Variants in B4GALT7 observed in about 807,000 individuals in gnomAD.
The protein encoded by B4GALT7 is beta-1,4-galactosyltransferase 7.
Under a neutral mutation model 33.0 loss-of-function variants are expected in B4GALT7, and 30 were observed. The ratio of observed to expected loss-of-function variants is 0.91; its 90% CI spans 0.68 to 1.23. The LOEUF is 1.23. Ranked by LOEUF, B4GALT7 falls within the 50% of genes most tolerant of loss-of-function variation. The probability of loss-of-function intolerance (pLI) is 0.00; values close to 1 mark genes in which losing one functional copy is unlikely to be tolerated. For synonymous variants in B4GALT7, 213 were observed against 187.2 expected (o/e 1.14, Z -1.13); for missense variants, 507 against 450.8 (o/e 1.12, Z -1.13).
At chr5:177,603,499 C>T (rs553235605) in intron 1 of B4GALT7, 1 of 400,814 alleles carries the variant, frequency 2.5e-6, no homozygotes, top group Non-Finnish European at 3.4e-6. Context: ...CTTTCTTTCC[C>T]TCTCCATCTC....
chr5:177,609,457 T>A, intron 5 of B4GALT7, 83 bp from the exon 6 acceptor site: 1 of 1,537,198 alleles, frequency 6.5e-7, no homozygotes, highest in Non-Finnish European at 9.0e-7. Flanking sequence ...ACAGGACCTC[T>A]GATGGCGAGG....
rs749515076 is a variant in B4GALT7 at position 177,600,217 on chromosome 5, C to G, written c.7C>G (p.Pro3Ala). Residue 3 changes from proline (P) to alanine (A), a missense_variant, in exon 1 of 6, where the codon CCC (proline) becomes GCC (alanine). Pro to Ala is a conservative substitution (Grantham distance 27). Coordinates refer to ENST00000029410, the MANE Select transcript of B4GALT7 (RefSeq NM_007255.3). The surrounding 1 kb of genome is among the most constrained non-coding windows in gnomAD (Gnocchi z 4.4). The part of the protein sequence containing the change: MF[P>A]SRRKAAQLPW... ...GCCGCCGCCTCTCCGCACGATGTTC[C>G]CCTCGCGGAGGAAAGCGGCGCAGCT... 4.3e-6 allele frequency: 6 copies of G among 1,391,766 alleles called. No homozygotes were observed. Among genetic ancestry groups the G allele is most frequent in the Non-Finnish European group, 4.7e-6 (5 of 1,066,450 alleles). 86.2% of individuals were successfully genotyped at this position (1,391,766 alleles called of 1,614,324 possible).
At chr5:177,609,293 G>A (rs1235627883) in intron 5 of B4GALT7, among the ~76,000 whole-genome samples, 1 of 152,134 alleles carries the variant, frequency 6.6e-6, no homozygotes, top group Non-Finnish European at 1.5e-5. Context: ...AGCCACACCC[G>A]GGATGCAGGG....
chr5:177,604,847 A>G (rs1767941730), intron 2 of B4GALT7, among the ~76,000 whole-genome samples: 1 of 151,740 alleles, frequency 6.6e-6, no homozygotes, highest in Non-Finnish European at 1.5e-5. Flanking sequence ...GGGTAGAGAG[A>G]GGTGCTGTGG....
Position 177,609,531 on chromosome 5 carries a change from C to T in B4GALT7, c.829-9C>T. 1 of 1,612,896 alleles carries T rather than the reference C, an allele frequency of 6.2e-7. No homozygotes were observed. The highest frequency in any genetic ancestry group is 8.5e-7 in the Non-Finnish European group (1 of 1,180,008). On this transcript the variant is annotated splice_polypyrimidine_tract_variant and intron_variant, in intron 5 of 5. Coordinates refer to ENST00000029410, the MANE Select transcript of B4GALT7 (RefSeq NM_007255.3). ...CTGAGTCCGTGCTCTTTCCTCTCTT[C>T]CTCCCCAGGAGCAGTTCAAGGTGGA...
Position 177,600,300 on chromosome 5 carries a change from C to G in B4GALT7, c.50+40C>G. 7.7e-7 allele frequency: 1 copy of G among 1,291,016 alleles called. No homozygotes were observed. The highest frequency in any genetic ancestry group is 9.8e-7 in the Non-Finnish European group (1 of 1,015,320). 80.0% of individuals were successfully genotyped at this position (1,291,016 alleles called of 1,614,324 possible). A position where few individuals can be genotyped will look rare whatever the true frequency, so the allele number is the denominator to read the frequency against. On this transcript the variant is annotated intron_variant, in intron 1 of 5. Coordinates refer to ENST00000029410, the MANE Select transcript of B4GALT7 (RefSeq NM_007255.3). The surrounding 1 kb of genome is among the most constrained non-coding windows in gnomAD (Gnocchi z 4.4). ...TGGGCCCGGGCCCCGTCCTCCCGGG[C>G]GCCGCTCCCTTCTCGGCCGCCGGCG...
chr5:177,608,734 C>A lies in B4GALT7; in HGVS notation c.723+112C>A. 1 of 1,172,706 alleles carries A rather than the reference C, an allele frequency of 8.5e-7. No homozygotes were observed. Among genetic ancestry groups the A allele is most frequent in the Non-Finnish European group, 1.2e-6 (1 of 802,250 alleles). The allele number at this position is 1,172,706 out of a possible 1,614,324, so 72.6% of individuals were successfully genotyped here. A position where few individuals can be genotyped will look rare whatever the true frequency, so the allele number is the denominator to read the frequency against. On this transcript the variant is annotated intron_variant, in intron 4 of 5. Coordinates refer to ENST00000029410, the MANE Select transcript of B4GALT7 (RefSeq NM_007255.3). The surrounding 1 kb of genome is among the most constrained non-coding windows in gnomAD (Gnocchi z 4.1). ...TCTGGAGATGGCCCTGATTCTGATCCCTGCCCTAACCCTGCCCTGCATGGT... is the reference window on the plus strand; with the variant it reads ...TCTGGAGATGGCCCTGATTCTGATCACTGCCCTAACCCTGCCCTGCATGGT...
At chr5:177,605,434 A>G (rs1005033256) in intron 2 of B4GALT7, among the ~76,000 whole-genome samples, 2 of 152,244 alleles carry the variant, frequency 1.3e-5, no homozygotes, top group African/African-American at 2.4e-5. Flanking sequence ...TGTCCACTGC[A>G]GCCTTTAAAA....
intron 2 of B4GALT7, chr5:177,605,291 A>C: frequency 6.2e-6 from 2 of 321,014 alleles, no homozygotes; most frequent in Admixed American, 4.3e-5. Flanking sequence ...TCTGCTCCAC[A>C]CCTGTGCCTG....
rs369871062 is a variant in B4GALT7, at chr5:177,604,554, C to T, written c.413+13C>T. On this transcript the variant is annotated intron_variant, in intron 2 of 5. Transcript: ENST00000029410. ...TGGACCACTTCAGGTAGCGCCCGCC[C>T]CCACCCTCTCCCCTCGGCACCCCTG... The T allele has an allele frequency of 4.6e-5, 74 of 1,613,496 alleles. No homozygotes were observed. The highest frequency in any genetic ancestry group is 1.0e-4 in the Admixed American group (6 of 60,006).
At chr5:177,607,233 G>T in intron 2 of B4GALT7, 69 bp from the exon 3 acceptor site, 1 of 1,407,490 alleles carries the variant, frequency 7.1e-7, no homozygotes, top group African/African-American at 1.4e-5. Flanking sequence ...GGGGACCCCC[G>T]GGTGGGTGCT....
Position 177,600,158 on chromosome 5 carries a change from C to T in B4GALT7, c.-53C>T, listed in dbSNP as rs1767803715. Reference sequence around the variant, plus strand: ...GAGGCGCCGCGTAGGCCCGGGAGGCCGGGCCGGCCGGGCTGCGAGCGCCTG... The same window carrying T: ...GAGGCGCCGCGTAGGCCCGGGAGGCTGGGCCGGCCGGGCTGCGAGCGCCTG... On this transcript the variant is annotated 5_prime_UTR_variant, in exon 1 of 6. Coordinates refer to ENST00000029410, the MANE Select transcript of B4GALT7 (RefSeq NM_007255.3). This position sits in a 1 kb window ranked among gnomAD's most constrained non-coding sequence, Gnocchi z 4.4. The T allele has an allele frequency of 7.4e-6, 9 of 1,218,944 alleles. No individual in the cohort carries two copies. Among genetic ancestry groups the T allele is most frequent in the Middle Eastern group, 3.2e-4 (1 of 3,102 alleles). The allele number at this position is 1,218,944 out of a possible 1,614,324, so 75.5% of individuals were successfully genotyped here. A position where few individuals can be genotyped will look rare whatever the true frequency, so the allele number is the denominator to read the frequency against.
rs71585644 is a variant in B4GALT7 at position 177,608,487 on chromosome 5, G to GC, written c.640-41dup. 0.09 allele frequency: 107,574 copies of GC among 1,199,280 alleles called. 334 individuals carry two copies. Among genetic ancestry groups the GC allele is most frequent in the African/African-American group, 0.11 (6,786 of 60,862 alleles). 74.3% of individuals were successfully genotyped at this position (1,199,280 alleles called of 1,614,324 possible). On this transcript the variant is annotated intron_variant, in intron 3 of 5. Coordinates refer to ENST00000029410, the MANE Select transcript of B4GALT7 (RefSeq NM_007255.3). The surrounding 1 kb of genome is among the most constrained non-coding windows in gnomAD (Gnocchi z 4.1). ...ACTCCCGAGCGGTAGGAGACCAAAG[G>GC]CCCCCCCCCCCGGGAAGATGGGCCG... is the stretch of plus-strand genomic sequence containing the variant.
intron 1 of B4GALT7, chr5:177,602,872 AGAAT>A (rs1299294027): frequency 6.8e-6 from 6 of 877,594 alleles, no homozygotes; most frequent in East Asian, 2.1e-4. Flanking sequence ...CTTAGGAGAT[AGAAT>A]TTATTTATTT....
chr5:177,601,389 A>G (rs1767838790), intron 1 of B4GALT7: 1 of 152,244 alleles, frequency 6.6e-6, no homozygotes, highest in Non-Finnish European at 1.5e-5. Context: ...GCCTAGCACA[A>G]CAGGAGGTGC....
At chr5:177,602,039 AT>A (rs1331141899) in intron 1 of B4GALT7, among the ~76,000 whole-genome samples, 14 of 152,132 alleles carry the variant, frequency 9.2e-5, no homozygotes, top group African/African-American at 3.4e-4. Context: ...AAGGTGGGAT[AT>A]CACCCCATAT....
At position 177,606,230 on chromosome 5, in the gene B4GALT7, C is replaced by A. The variant is rs1260257012; in HGVS notation, c.414-1072C>A. 2.0e-5 allele frequency: 3 copies of A among 151,772 alleles called. No individual in the cohort carries two copies. Among genetic ancestry groups the A allele is most frequent in the Non-Finnish European group, 4.4e-5 (3 of 67,974 alleles). The allele number at this position is 151,772 out of a possible 1,614,324, so 9.4% of individuals were successfully genotyped here. On this transcript the variant is annotated intron_variant, in intron 2 of 5. Transcript: ENST00000029410. This position sits in a 1 kb window ranked among gnomAD's most constrained non-coding sequence, Gnocchi z 4.2. ...CTGGAGTTCTCTCCTAAACTCCAGGCTCAACAGCCCAGCCATCTACACAGT... is the reference window on the plus strand; with the variant it reads ...CTGGAGTTCTCTCCTAAACTCCAGGATCAACAGCCCAGCCATCTACACAGT...
Position 177,608,526 on chromosome 5 carries a change from GTC to G in B4GALT7, c.640-9_640-8del. On this transcript the variant is annotated splice_polypyrimidine_tract_variant and intron_variant, in intron 3 of 5. Coordinates refer to ENST00000029410, the MANE Select transcript of B4GALT7 (RefSeq NM_007255.3). This position sits in a 1 kb window ranked among gnomAD's most constrained non-coding sequence, Gnocchi z 4.1. ...GAAGATGGGCCGAGTGACGCTGCTT[GTC>G]TCTGTGTCAGTGCAATGGGATGTCC... 3 of 1,608,938 alleles carry G rather than the reference GTC, an allele frequency of 1.9e-6. No homozygotes were observed. Among genetic ancestry groups the G allele is most frequent in the Non-Finnish European group, 2.6e-6 (3 of 1,176,068 alleles).
rs1473997532 is a variant in B4GALT7 at position 177,608,670 on chromosome 5, T to A, written c.723+48T>A. 3.9e-6 allele frequency: 6 copies of A among 1,543,830 alleles called. No homozygotes were observed. The highest frequency in any genetic ancestry group is 3.4e-5 in the Admixed American group (2 of 59,394). On this transcript the variant is annotated intron_variant, in intron 4 of 5. Coordinates refer to ENST00000029410, the MANE Select transcript of B4GALT7 (RefSeq NM_007255.3). This position sits in a 1 kb window ranked among gnomAD's most constrained non-coding sequence, Gnocchi z 4.1. ...GCCACCTCAGCTGCGGTGGCTGCCC[T>A]GAGATTTTCTTCTGTTTCCTCAGAT...
Sources: gnomAD v4.1 joint callset for allele counts (sites outside exome capture counted in the v4.1 genomes callset) on GRCh38, gnomAD v4.1.1 for gene constraint, Gnocchi (gnomAD v3.1) non-coding constraint, MANE v1.5 for transcripts, NCBI Gene and HGNC (gene_info 2026-07-23, HGNC 2026-07-21) for gene names.